Variants in PLEKHA5 observed in about 807,000 individuals in gnomAD.
PLEKHA5 encodes pleckstrin homology domain containing A5.
A neutral mutation model predicts 181.9 loss-of-function variants in PLEKHA5; 55 were observed. That is an observed-to-expected ratio of 0.30 (90% CI 0.24 to 0.38). PLEKHA5 has a LOEUF of 0.38. PLEKHA5 is among the 10% of genes least tolerant of loss of function. PLEKHA5 has a pLI of 1.00. For missense variants in PLEKHA5, 1,432 were observed against 1,549.5 expected (o/e 0.92, Z 1.27); for synonymous variants, 535 against 529.4 (o/e 1.01, Z -0.15).
chr12:19,170,592 G>A (rs2151652906), intron 3 of PLEKHA5, among the ~76,000 whole-genome samples: 1 of 152,154 alleles, frequency 6.6e-6, no homozygotes, highest in African/African-American at 2.4e-5. Flanking sequence ...ACTAATTTTT[G>A]TATTTTTAGT....
Position 19,266,779 on chromosome 12 carries a change from G to T in PLEKHA5, c.711+929G>T, listed in dbSNP as rs375083625. Reference sequence around the variant, plus strand: ...AGCCTAGGTGACAGAGTGAGACTCTGTATTAATAATTATTAATAATAAATT... The same window carrying T: ...AGCCTAGGTGACAGAGTGAGACTCTTTATTAATAATTATTAATAATAAATT... On this transcript the variant is annotated intron_variant, in intron 8 of 31. Transcript: ENST00000429027. 7.2e-5 allele frequency among the ~76,000 whole-genome samples: 11 copies of T among 152,114 alleles called. No homozygotes were observed. The South Asian group carries it at 1.7e-3, about 23-fold the overall frequency.
chr12:19,315,290 A>G (rs895923937), intron 16 of PLEKHA5, among the ~76,000 whole-genome samples: 6 of 152,076 alleles, frequency 3.9e-5, no homozygotes, highest in Admixed American at 1.3e-4. Flanking sequence ...GCCCTCCACA[A>G]CTTCCCCCAA....
At position 19,261,479 on chromosome 12, in the gene PLEKHA5, A is replaced by G. The variant is rs1202120539; in HGVS notation, c.610+458A>G. ...TCATTTTGAACTTTTTTTTTGACCA[A>G]ACACTGATAGCTTTTCTCTGGTTAG... On this transcript the variant is annotated intron_variant, in intron 7 of 31. Transcript: ENST00000429027. Among the ~76,000 whole-genome samples the G allele has an allele frequency of 4.6e-5, 7 of 152,172 alleles. No individual in the cohort carries two copies. The East Asian group carries it at 1.3e-3, about 29-fold the overall frequency.
At position 19,366,089 on chromosome 12, in the gene PLEKHA5, G is replaced by A; in HGVS notation, c.3734G>A (p.Arg1245Lys). 1 of 1,611,810 alleles carries A rather than the reference G, an allele frequency of 6.2e-7. No individual in the cohort carries two copies. The highest frequency in any genetic ancestry group is 8.5e-7 in the Non-Finnish European group (1 of 1,179,072). ...ISYESTPEVS[R>K]GNQTMAVKSL... ...TACGAATCAACTCCTGAGGTTTCTA[G>A]AGGAAATCAAACAATGGCAGGTAGG... is the stretch of plus-strand genomic sequence containing the variant. Residue 1245 changes from arginine to lysine, a missense_variant, in exon 30 of 32, where the codon AGA becomes AAA. Physicochemically the swap from Arg to Lys is conservative, Grantham distance 26. Around this residue, in one of 2 missense-constraint regions of PLEKHA5, gnomAD observed 1,143 missense variants for 1,168.4 expected, o/e 0.98. Coordinates refer to ENST00000429027, the MANE Select transcript of PLEKHA5 (RefSeq NM_001256470.2).
intron 3 of PLEKHA5, among the ~76,000 whole-genome samples, chr12:19,145,383 A>G (rs552072863): frequency 1.3e-5 from 2 of 152,210 alleles, no homozygotes; most frequent in East Asian, 3.9e-4. Flanking sequence ...GTCCTCTTTT[A>G]TGATTTTTCC....
chr12:19,178,252 C>T (rs12579951), intron 3 of PLEKHA5, among the ~76,000 whole-genome samples: 16,836 of 152,188 alleles, frequency 0.11, 1,157 homozygotes, highest in East Asian at 0.3. Flanking sequence ...GAGTACAACA[C>T]AGAAATTGGT....
At chr12:19,220,884 A>G (rs368570437) in intron 3 of PLEKHA5, among the ~76,000 whole-genome samples, 80 of 152,310 alleles carry the variant, frequency 5.3e-4, no homozygotes, top group African/African-American at 1.8e-3. Context: ...AAACACACAG[A>G]TGGCAAATGA....
chr12:19,267,712 C>T (rs1384161418), intron 8 of PLEKHA5, among the ~76,000 whole-genome samples: 1 of 150,204 alleles, frequency 6.7e-6, no homozygotes, highest in African/African-American at 2.4e-5. Context: ...GCCTGTAATC[C>T]CAGCACTTTG....
intron 3 of PLEKHA5, among the ~76,000 whole-genome samples, chr12:19,247,131 C>T (rs572455543): frequency 2.0e-5 from 3 of 152,288 alleles, no homozygotes; most frequent in Admixed American, 6.5e-5. Flanking sequence ...GTCGACTCTA[C>T]GAAAAGTATC....
At chr12:19,242,277 C>T (rs1294654087) in intron 3 of PLEKHA5, among the ~76,000 whole-genome samples, 1 of 150,264 alleles carries the variant, frequency 6.7e-6, no homozygotes. Context: ...CTCACTCTGT[C>T]ATCCAGGCTG....
chr12:19,369,010 A>AT (rs1020589287), intron 30 of PLEKHA5, among the ~76,000 whole-genome samples: 4 of 151,782 alleles, frequency 2.6e-5, no homozygotes, highest in African/African-American at 2.4e-5. Context: ...AATGTAAAGT[A>AT]TTTTTTTTGT....
chr12:19,322,588 T>A lies in PLEKHA5; in HGVS notation c.2369T>A (p.Ile790Asn). 1 of 1,613,940 alleles carries A rather than the reference T, an allele frequency of 6.2e-7. No individual in the cohort carries two copies. Among genetic ancestry groups the A allele is most frequent in the Non-Finnish European group, 8.5e-7 (1 of 1,179,848 alleles). ...ATGCATGCAGATAACCCAGCAGCCA[T>A]TCAGACAGTGGTGTTACAAAGGGAT... ...IEMHADNPAAIQTVVLQRDDL... is the reference protein window; with the variant it reads ...IEMHADNPAANQTVVLQRDDL... Residue 790 changes from isoleucine (I) to asparagine (N), a missense_variant, in exon 20 of 32, where the codon ATT becomes AAT. By Grantham distance (149) the Ile-to-Asn change is moderately radical. Transcript: ENST00000429027.
At chr12:19,310,864 A>G (rs1223902799) in intron 15 of PLEKHA5, among the ~76,000 whole-genome samples, 2 of 152,146 alleles carry the variant, frequency 1.3e-5, no homozygotes, top group Non-Finnish European at 2.9e-5. Flanking sequence ...CATTATGTCT[A>G]AGAAAAAAAA....
intron 21 of PLEKHA5, among the ~76,000 whole-genome samples, chr12:19,341,536 G>C (rs1294532560): frequency 6.6e-6 from 1 of 151,704 alleles, no homozygotes; most frequent in African/African-American, 2.4e-5. Context: ...CTCTTGCATG[G>C]GTACTTTCTT....
intron 3 of PLEKHA5, chr12:19,153,003 T>G (rs1352420100): frequency 9.8e-5 from 3 of 30,646 alleles, no homozygotes; most frequent in Admixed American, 5.5e-4. Flanking sequence ...GTTTTTTGTT[T>G]TTTTTTTTGT....
At position 19,353,977 on chromosome 12, in the gene PLEKHA5, C is replaced by G; in HGVS notation, c.3113C>G (p.Thr1038Ser). 1 of 1,582,824 alleles carries G rather than the reference C, an allele frequency of 6.3e-7. No individual in the cohort carries two copies. Among genetic ancestry groups the G allele is most frequent in the South Asian group, 1.1e-5 (1 of 90,310 alleles). The change falls in exon 26 of 32, where the codon ACT (threonine) becomes AGT (serine). Residue 1038 changes from threonine (T) to serine (S), a missense_variant. Coordinates refer to ENST00000429027, the MANE Select transcript of PLEKHA5 (RefSeq NM_001256470.2). Reference protein sequence around the residue: ...TIASYVTLRKTKKMMDLRTER... With the variant: ...TIASYVTLRKSKKMMDLRTER... ...GCTTCCTATGTAACCTTGAGGAAAA[C>G]TAAGAAGATGATGGATCTAAGAACG...
chr12:19,287,814 C>A (rs2077535719), intron 13 of PLEKHA5, among the ~76,000 whole-genome samples: 1 of 152,174 alleles, frequency 6.6e-6, no homozygotes, highest in Admixed American at 6.5e-5. Context: ...CACGGTGGCT[C>A]ATGCCTGTAA....
At chr12:19,174,642 T>G (rs2046766027) in intron 3 of PLEKHA5, among the ~76,000 whole-genome samples, 1 of 152,180 alleles carries the variant, frequency 6.6e-6, no homozygotes, top group South Asian at 2.1e-4. Flanking sequence ...GCTGATACTT[T>G]GAGGGCTAAG....
chr12:19,219,614 T>A (rs1427503970), intron 3 of PLEKHA5, among the ~76,000 whole-genome samples: 6 of 152,070 alleles, frequency 3.9e-5, no homozygotes. Flanking sequence ...GTTATTATTT[T>A]AAAAGCATGC....
Sources: allele counts gnomAD v4.1 joint callset (sites outside exome capture counted in the v4.1 genomes callset), GRCh38; gene constraint gnomAD v4.1.1; regional missense constraint gnomAD v4.1.1; transcripts MANE v1.5; gene names NCBI Gene and HGNC (gene_info 2026-07-23, HGNC 2026-07-21).